The following ZFTRAF1 variants were observed in gnomAD, a reference collection of about 807,000 sequenced individuals.
ZFTRAF1 encodes zinc finger TRAF-type-containing protein 1.
chr8:144,450,858 G>C, the ZFTRAF1 span: 1 of 610,836 alleles, frequency 1.6e-6, no homozygotes, highest in Admixed American at 2.8e-5. Flanking sequence ...GCCGAGGGCA[G>C]GCTCAGCCGG....
the ZFTRAF1 span, chr8:144,454,538 T>C: frequency 6.6e-6 from 1 of 152,454 alleles, no homozygotes; most frequent in African/African-American, 2.4e-5. Context: ...CCTGTCCTGA[T>C]GCCTCTCCAG....
At chr8:144,450,550 G>A in the ZFTRAF1 span, 1 of 718,310 alleles carries the variant, frequency 1.4e-6, no homozygotes, top group East Asian at 2.7e-5. Context: ...CGTCGTAGGG[G>A]CCCTTGAGCA....
At chr8:144,461,980 G>A in the ZFTRAF1 span, among the ~76,000 whole-genome samples, 1 of 152,168 alleles carries the variant, frequency 6.6e-6, no homozygotes, top group Non-Finnish European at 1.5e-5. Flanking sequence ...CCGTGGGGAA[G>A]TCTAGAAAAA....
At chr8:144,452,057 G>A in the ZFTRAF1 span, 9 of 445,838 alleles carry the variant, frequency 2.0e-5, no homozygotes, top group African/African-American at 1.6e-4. Context: ...AGGCTCTGGA[G>A]CCCCACAGTG....
the ZFTRAF1 span, chr8:144,454,381 T>G: frequency 6.6e-6 from 1 of 152,352 alleles, no homozygotes; most frequent in Non-Finnish European, 1.5e-5. Flanking sequence ...CTTTTGTACC[T>G]GAGCAGACAC....
the ZFTRAF1 span, chr8:144,457,730 CCCA>C: frequency 6.6e-6 from 1 of 152,294 alleles, no homozygotes; most frequent in East Asian, 1.9e-4. Context: ...GCTGAGGGCC[CCCA>C]CGATTTCCTG....
the ZFTRAF1 span, chr8:144,452,328 G>A: frequency 6.5e-7 from 1 of 1,544,422 alleles, no homozygotes; most frequent in South Asian, 1.2e-5. Flanking sequence ...CCACACCTGT[G>A]TGGCATGCAG....
the ZFTRAF1 span, chr8:144,450,110 GC>G: frequency 4.3e-6 from 2 of 465,956 alleles, no homozygotes; most frequent in South Asian, 4.8e-5. Flanking sequence ...CCGTCTCTGA[GC>G]CTCGGGGCGC....
the ZFTRAF1 span, chr8:144,452,353 C>G: frequency 6.5e-7 from 1 of 1,548,104 alleles, no homozygotes; most frequent in Non-Finnish European, 8.7e-7. Context: ...CGGCGGGGCG[C>G]CTCACCTGTG....
the ZFTRAF1 span, chr8:144,462,403 G>A: frequency 2.0e-5 from 8 of 397,990 alleles, no homozygotes; most frequent in African/African-American, 2.2e-5. Context: ...CGGCCGCCTC[G>A]GCTGCCCGCA....
At chr8:144,457,045 T>C in the ZFTRAF1 span, 1 of 140,482 alleles carries the variant, frequency 7.1e-6, no homozygotes, top group East Asian at 2.2e-4. Flanking sequence ...GGGGATGGCA[T>C]CATGGGGGGA....
chr8:144,450,523 G>A, the ZFTRAF1 span: 70 of 718,286 alleles, frequency 9.7e-5, 1 homozygote, highest in Admixed American at 3.4e-4. Flanking sequence ...GGTAGATGAC[G>A]GGGCTGATCC....
the ZFTRAF1 span, chr8:144,450,028 A>G: frequency 3.1e-6 from 1 of 321,390 alleles, no homozygotes; most frequent in South Asian, 4.1e-5. Flanking sequence ...GCAGGGATGG[A>G]GCAGCACCGC....
the ZFTRAF1 span, chr8:144,450,820 G>A: frequency 1.5e-6 from 1 of 651,212 alleles, no homozygotes; most frequent in Non-Finnish European, 2.9e-6. Context: ...TGTGGGCAGG[G>A]CTGGGCAGCA....
At chr8:144,453,870 C>T in the ZFTRAF1 span, 16 of 185,476 alleles carry the variant, frequency 8.6e-5, no homozygotes, top group South Asian at 1.1e-3. Flanking sequence ...AGGTGGGGAG[C>T]GGATGCAGCT....
At chr8:144,462,658 G>C in the ZFTRAF1 span, 2 of 143,038 alleles carry the variant, frequency 1.4e-5, no homozygotes, top group African/African-American at 5.1e-5. Context: ...CGGACATAGC[G>C]GCCGGCCGGC....
the ZFTRAF1 span, chr8:144,450,995 C>G: frequency 1.8e-6 from 1 of 553,510 alleles, no homozygotes; most frequent in Non-Finnish European, 3.2e-6. Flanking sequence ...CATGGATTAG[C>G]TGGAGAGTCC....
chr8:144,462,058 A>AG, the ZFTRAF1 span, among the ~76,000 whole-genome samples: 1 of 152,158 alleles, frequency 6.6e-6, no homozygotes, highest in African/African-American at 2.4e-5. Context: ...AAAACAGAAA[A>AG]GGGGGGTCCC....
the ZFTRAF1 span, chr8:144,462,242 GC>G: frequency 3.9e-6 from 2 of 507,072 alleles, no homozygotes; most frequent in Non-Finnish European, 6.9e-6. Flanking sequence ...GGGGGCTGCA[GC>G]CCCGGGCTGG....
Sources: allele counts gnomAD v4.1 joint callset (sites outside exome capture counted in the v4.1 genomes callset), GRCh38; gene constraint gnomAD v4.1.1; transcripts MANE v1.5; gene names NCBI Gene and HGNC (gene_info 2026-07-23, HGNC 2026-07-21).